Variants in FNDC3B observed in about 807,000 individuals in gnomAD.
FNDC3B encodes fibronectin type III domain-containing protein 3B.
FNDC3B carries 12 observed loss-of-function variants against 151.5 expected under a neutral mutation model. The observed-to-expected ratio is 0.08, with a 90% CI of 0.05 to 0.13. FNDC3B has a LOEUF of 0.13. Ranked by LOEUF, FNDC3B falls within the 10% of genes least tolerant of loss-of-function variation. The pLI, the probability that FNDC3B is intolerant of heterozygous loss-of-function variation, is 1.00. For synonymous variants in FNDC3B, 528 were observed against 549.0 expected, an observed-to-expected ratio of 0.96 and a Z score of 0.54; for missense variants, 1,214 against 1,505.3, an observed-to-expected ratio of 0.81 and a Z score of 3.20.
chr3:172,081,871 C>T (rs1420457528), intron 1 of FNDC3B, among the ~76,000 whole-genome samples: 1 of 152,130 alleles, frequency 6.6e-6, no homozygotes, highest in East Asian at 1.9e-4. Context: ...ACCTAATTGA[C>T]TAAAAAGAGC....
chr3:172,289,571 G>A (rs567188758), intron 7 of FNDC3B, among the ~76,000 whole-genome samples: 14 of 152,172 alleles, frequency 9.2e-5, no homozygotes, highest in African/African-American at 1.7e-4. Context: ...TTTCCTCTTC[G>A]TACCACTTTT....
intron 1 of FNDC3B, among the ~76,000 whole-genome samples, chr3:172,101,987 A>G (rs1176075463): frequency 6.6e-6 from 1 of 152,056 alleles, no homozygotes; most frequent in Non-Finnish European, 1.5e-5. Flanking sequence ...AGGGAGATGT[A>G]CTCTCATGGG....
intron 25 of FNDC3B, among the ~76,000 whole-genome samples, chr3:172,386,869 T>C (rs536561567): frequency 6.4e-4 from 98 of 152,156 alleles, no homozygotes; most frequent in Non-Finnish European, 1.2e-3. Context: ...TTTTAGAATA[T>C]AGTATCAAGG....
At chr3:172,277,239 G>GT (rs1375159659) in intron 6 of FNDC3B, among the ~76,000 whole-genome samples, 1 of 152,172 alleles carries the variant, frequency 6.6e-6, no homozygotes, top group Non-Finnish European at 1.5e-5. Context: ...CAATCTAGGT[G>GT]TTTTGCTATA....
chr3:172,096,900 G>T (rs984514463), intron 1 of FNDC3B, among the ~76,000 whole-genome samples: 1 of 152,192 alleles, frequency 6.6e-6, no homozygotes, highest in African/African-American at 2.4e-5. Context: ...GGGCTGGAAA[G>T]AACCCATAAA....
Position 172,080,726 on chromosome 3 carries a change from G to A in FNDC3B, c.-28-31726G>A, listed in dbSNP as rs555692287. Among the ~76,000 whole-genome samples, 6 of 152,290 alleles carry A rather than the reference G, an allele frequency of 3.9e-5. No individual in the cohort carries two copies. The South Asian group carries it at 1.2e-3, about 32-fold the overall frequency. ...GTGTGTCCATCATGGGTTCAAAGTT[G>A]ATATTTACTTAGTAAAAACCTGCCA... On this transcript the variant is annotated intron_variant, in intron 1 of 25. Transcript: ENST00000415807.
chr3:172,175,852 G>C (rs1723566943), intron 3 of FNDC3B, among the ~76,000 whole-genome samples: 2 of 152,246 alleles, frequency 1.3e-5, no homozygotes, highest in East Asian at 1.9e-4. Flanking sequence ...TGAAAAATCT[G>C]CCCTAATATT....
At chr3:172,142,937 C>T (rs1194544526) in intron 3 of FNDC3B, among the ~76,000 whole-genome samples, 4 of 152,194 alleles carry the variant, frequency 2.6e-5, no homozygotes, top group Admixed American at 1.3e-4. Context: ...TGTGTCCTCA[C>T]GTGGCTGAAA....
intron 3 of FNDC3B, among the ~76,000 whole-genome samples, chr3:172,151,681 A>T (rs1184188583): frequency 1.3e-5 from 2 of 152,210 alleles, no homozygotes; most frequent in African/African-American, 4.8e-5. Flanking sequence ...ATGTATATTT[A>T]TTTAAAACCT....
chr3:172,185,123 A>G (rs558466362), intron 3 of FNDC3B, among the ~76,000 whole-genome samples: 1 of 152,328 alleles, frequency 6.6e-6, no homozygotes, highest in Admixed American at 6.5e-5. Context: ...TGTCATGAAC[A>G]TTGGTCTATT....
rs532190105 is a variant in FNDC3B, at chr3:172,378,426, C to T, written c.3165C>T (p.Pro1055=). 3.7e-6 allele frequency: 6 copies of T among 1,611,084 alleles called. No homozygotes were observed. The highest frequency in any genetic ancestry group is 3.3e-5 in the South Asian group (3 of 90,534). Residue 1055 remains proline, a synonymous_variant, in exon 24 of 26, where the codon CCC becomes CCT. Coordinates refer to ENST00000415807, the MANE Select transcript of FNDC3B (RefSeq NM_022763.4). The part of the protein sequence containing the change: ...YTFSTTKSVP[P]TIKAPRVTQL... ...TCAGCACAACCAAAAGTGTCCCCCC[C>T]ACCATCAAAGGTGTGTAGACTATGT...
intron 4 of FNDC3B, among the ~76,000 whole-genome samples, chr3:172,235,229 A>C (rs1288681761): frequency 6.6e-6 from 1 of 152,212 alleles, no homozygotes; most frequent in Non-Finnish European, 1.5e-5. Context: ...ATATTTCTAT[A>C]ACACTGTAAT....
intron 6 of FNDC3B, among the ~76,000 whole-genome samples, chr3:172,256,202 C>CT (rs1728339442): frequency 6.6e-6 from 1 of 152,214 alleles, no homozygotes; most frequent in African/African-American, 2.4e-5. Flanking sequence ...CCTCATTCCC[C>CT]TTTTTTGGCC....
intron 18 of FNDC3B, among the ~76,000 whole-genome samples, chr3:172,343,709 G>T (rs770557246): frequency 6.6e-6 from 1 of 152,144 alleles, no homozygotes; most frequent in African/African-American, 2.4e-5. Flanking sequence ...ATAATAAATT[G>T]TGCCAATTTG....
intron 6 of FNDC3B, among the ~76,000 whole-genome samples, chr3:172,284,151 T>C (rs1180278988): frequency 6.6e-6 from 1 of 152,218 alleles, no homozygotes; most frequent in African/African-American, 2.4e-5. Flanking sequence ...GTAGGGCCTG[T>C]GCTGGGTGCT....
chr3:172,244,840 G>C (rs1727696780), intron 4 of FNDC3B, among the ~76,000 whole-genome samples: 1 of 151,942 alleles, frequency 6.6e-6, no homozygotes, highest in Non-Finnish European at 1.5e-5. Flanking sequence ...TGGCCAGACT[G>C]GTCTTGAACT....
At chr3:172,351,709 C>T (rs1733864228) in intron 21 of FNDC3B, among the ~76,000 whole-genome samples, 1 of 152,076 alleles carries the variant, frequency 6.6e-6, no homozygotes, top group African/African-American at 2.4e-5. Context: ...AGTAGTTGGA[C>T]TAGAGTAATA....
chr3:172,134,382 A>G (rs1262799325), intron 3 of FNDC3B: 5 of 518,608 alleles, frequency 9.6e-6, no homozygotes, highest in Admixed American at 3.9e-5. Context: ...ACTGTTTATG[A>G]TAGCTCTTTT....
At chr3:172,201,992 A>G (rs1424543409) in intron 3 of FNDC3B, among the ~76,000 whole-genome samples, 2 of 152,346 alleles carry the variant, frequency 1.3e-5, no homozygotes, top group East Asian at 3.9e-4. Context: ...TACATGTTGT[A>G]CTTAGAATAT....
Sources: allele counts gnomAD v4.1 joint callset (sites outside exome capture counted in the v4.1 genomes callset), GRCh38; gene constraint gnomAD v4.1.1; transcripts MANE v1.5; gene names NCBI Gene and HGNC (gene_info 2026-07-23, HGNC 2026-07-21).